ITPR1: variants seen among roughly 807,000 people sequenced by gnomAD.
ITPR1 encodes the protein inositol 1,4,5-trisphosphate receptor type 1, also known as inositol 1,4,5-trisphosphate-gated calcium channel ITPR1.
In ITPR1, 96 loss-of-function variants were observed where a neutral mutation model predicts 318.4. The observed-to-expected ratio is 0.30, with a 90% CI of 0.26 to 0.36. The LOEUF (loss-of-function observed/expected upper bound fraction) is 0.36, where lower values mean the gene tolerates loss of function less well. Among genes scored for constraint, ITPR1 ranks in the 10% least tolerant of loss-of-function variants. The probability of loss-of-function intolerance (pLI) is 1.00; values close to 1 mark genes in which losing one functional copy is unlikely to be tolerated. For missense variants in ITPR1, 2,440 were observed against 3,460.2 expected (o/e 0.71, Z 7.40); for synonymous variants, 1,312 against 1,289.9 (o/e 1.02, Z -0.37).
At chr3:4,690,100 A>G (rs571306509) in intron 31 of ITPR1, among the ~76,000 whole-genome samples, 1 of 152,308 alleles carries the variant, frequency 6.6e-6, no homozygotes, top group Admixed American at 6.5e-5. Flanking sequence ...AACATGGTGA[A>G]ACCTTATCTC....
chr3:4,654,139 G>GAGA (rs2093654654), intron 12 of ITPR1, among the ~76,000 whole-genome samples: 1 of 152,154 alleles, frequency 6.6e-6, no homozygotes, highest in Non-Finnish European at 1.5e-5. Context: ...TTCTAAGTTG[G>GAGA]AGAAGTTCAT....
At chr3:4,716,153 T>C (rs981350482) in intron 39 of ITPR1, among the ~76,000 whole-genome samples, 1 of 152,202 alleles carries the variant, frequency 6.6e-6, no homozygotes, top group African/African-American at 2.4e-5. Context: ...ATAAACACTC[T>C]GTGTGCAATG....
chr3:4,773,478 A>G (rs2046311751), intron 46 of ITPR1, among the ~76,000 whole-genome samples: 2 of 152,206 alleles, frequency 1.3e-5, no homozygotes, highest in Non-Finnish European at 2.9e-5. Flanking sequence ...TTGTTGGTTT[A>G]GACTGTATCT....
At chr3:4,830,939 A>T (rs2106531171) in intron 60 of ITPR1, 1 of 456,606 alleles carries the variant, frequency 2.2e-6, no homozygotes, top group South Asian at 1.5e-5. Flanking sequence ...GTAAACGTAA[A>T]ACTCTACCTG....
chr3:4,755,371 A>G (rs1401257117), intron 44 of ITPR1, among the ~76,000 whole-genome samples: 2 of 150,818 alleles, frequency 1.3e-5, no homozygotes, highest in Non-Finnish European at 1.5e-5. Flanking sequence ...TTTCTGTCTC[A>G]GAAGAAAGGT....
intron 2 of ITPR1, among the ~76,000 whole-genome samples, chr3:4,509,083 G>T (rs1049980265): frequency 6.6e-6 from 1 of 152,210 alleles, no homozygotes. Flanking sequence ...TGAGCATAAA[G>T]GGCCAAGTAT....
intron 4 of ITPR1, among the ~76,000 whole-genome samples, chr3:4,553,146 G>A (rs1192452912): frequency 6.6e-6 from 1 of 152,170 alleles, no homozygotes; most frequent in East Asian, 1.9e-4. Flanking sequence ...GTTTATTGTG[G>A]TGGGAGGTGA....
Position 4,658,217 on chromosome 3 carries a change from A to G in ITPR1, c.1090A>G (p.Ile364Val). Residue 364 changes from isoleucine to valine, a missense_variant, in exon 13 of 62, where the codon ATC becomes GTC. By Grantham distance (29) the Ile-to-Val change is conservative. Coordinates refer to ENST00000649015, the MANE Select transcript of ITPR1 (RefSeq NM_001378452.1). ...SLVSVPEGND[I>V]SSIFELDPTT... ...GGTCTCTGTGCCTGAAGGCAATGAC[A>G]TCTCCTCCATTTTCGAGCTAGATCC... 1.9e-6 allele frequency: 3 copies of G among 1,613,710 alleles called. No homozygotes were observed. Among genetic ancestry groups the G allele is most frequent in the East Asian group, 2.2e-5 (1 of 44,848 alleles).
intron 29 of ITPR1, among the ~76,000 whole-genome samples, chr3:4,684,663 A>T (rs573217069): frequency 6.6e-6 from 1 of 152,352 alleles, no homozygotes; most frequent in South Asian, 2.1e-4. Flanking sequence ...GGAGTCATCT[A>T]AGTGCCTGGT....
chr3:4,813,202 G>A lies in ITPR1; in HGVS notation c.7529G>A (p.Gly2510Glu). 6.2e-7 allele frequency: 1 copy of A among 1,613,518 alleles called. No homozygotes were observed. Among genetic ancestry groups the A allele is most frequent in the Non-Finnish European group, 8.5e-7 (1 of 1,179,574 alleles). ...LFSDVCRVES[G>E]ENCSSPAPRE... ...TCCGATGTGTGTAGGGTGGAGAGTG[G>A]GGAGAACTGCTCCTCTCCTGCACCC... The change falls in exon 57 of 62, where the codon GGG (glycine) becomes GAG (glutamate). Residue 2510 changes from glycine to glutamate, a missense_variant. By Grantham distance (98) the Gly-to-Glu change is moderately conservative. Around this residue, in one of 23 missense-constraint regions of ITPR1, gnomAD observed 88 missense variants for 90.5 expected, o/e 0.97. Transcript: ENST00000649015.
intron 59 of ITPR1, among the ~76,000 whole-genome samples, chr3:4,817,708 G>A (rs1245266465): frequency 9.2e-5 from 14 of 152,200 alleles, no homozygotes; most frequent in East Asian, 1.9e-4. Flanking sequence ...TTACCTGGGC[G>A]AAGGGACTTC....
chr3:4,769,980 G>T (rs2046082092), intron 46 of ITPR1, among the ~76,000 whole-genome samples: 1 of 152,202 alleles, frequency 6.6e-6, no homozygotes, highest in Admixed American at 6.5e-5. Context: ...TGGACCTAGG[G>T]AAACCACCCC....
chr3:4,809,258 A>G (rs1177900025), intron 55 of ITPR1, among the ~76,000 whole-genome samples: 1 of 152,214 alleles, frequency 6.6e-6, no homozygotes, highest in East Asian at 1.9e-4. Context: ...AAATTCGCCG[A>G]AAAGGAATAA....
chr3:4,671,014 G>A, intron 20 of ITPR1, 88 bp downstream of exon 20: 1 of 945,006 alleles, frequency 1.1e-6, no homozygotes, highest in South Asian at 2.2e-5. Flanking sequence ...ATTACTTCAA[G>A]GAATCACAAG....
chr3:4,692,689 G>C (rs1003650585), intron 32 of ITPR1, among the ~76,000 whole-genome samples: 2 of 152,236 alleles, frequency 1.3e-5, no homozygotes, highest in Non-Finnish European at 2.9e-5. Flanking sequence ...TAGGGGACAA[G>C]TTATAAACAG....
intron 4 of ITPR1, among the ~76,000 whole-genome samples, chr3:4,591,337 C>T (rs1216856135): frequency 6.6e-6 from 1 of 152,194 alleles, no homozygotes; most frequent in African/African-American, 2.4e-5. Context: ...AATTTACACT[C>T]CCACCAACAG....
intron 39 of ITPR1, among the ~76,000 whole-genome samples, chr3:4,712,290 G>A (rs1380321934): frequency 1.3e-5 from 2 of 152,152 alleles, no homozygotes; most frequent in East Asian, 1.9e-4. Context: ...ATCAAGAAAC[G>A]CCCTCCACTT....
Position 4,710,649 on chromosome 3 carries a change from A to G in ITPR1, c.4991+176A>G, listed in dbSNP as rs2041287428. On this transcript the variant is annotated intron_variant, in intron 38 of 61. Transcript: ENST00000649015. This position sits in a 1 kb window ranked among gnomAD's most constrained non-coding sequence, Gnocchi z 4.2. The stretch of plus-strand genomic sequence containing the variant: ...TAAGTTTGTCTATTAAATCCTGCTT[A>G]CTGACACTTTTTTGTTTTGTTTTGT... Among the ~76,000 whole-genome samples, 1 of 152,196 alleles carries G rather than the reference A, an allele frequency of 6.6e-6. No homozygotes were observed. The highest frequency in any genetic ancestry group is 2.4e-5 in the African/African-American group (1 of 41,444).
At chr3:4,503,906 A>G (rs560980485) in intron 2 of ITPR1, among the ~76,000 whole-genome samples, 1 of 152,236 alleles carries the variant, frequency 6.6e-6, no homozygotes, top group East Asian at 1.9e-4. Context: ...TTTTAACAAA[A>G]TAAGCACCCT....
Sources: gnomAD v4.1 joint callset for allele counts (sites outside exome capture counted in the v4.1 genomes callset) on GRCh38, gnomAD v4.1.1 for gene constraint, gnomAD v4.1.1 regional missense constraint, Gnocchi (gnomAD v3.1) non-coding constraint, MANE v1.5 for transcripts, NCBI Gene and HGNC (gene_info 2026-07-23, HGNC 2026-07-21) for gene names.